ZNF618: variants seen among roughly 807,000 people sequenced by gnomAD.
The protein encoded by ZNF618 is zinc finger protein 618, also known as neural precursor cell expressed, developmentally down-regulated 10.
In ZNF618, 34 loss-of-function variants were observed where a neutral mutation model predicts 103.0. That is an observed-to-expected ratio of 0.33 (90% CI 0.25 to 0.44). The LOEUF is 0.44. Among genes scored for constraint, ZNF618 ranks in the 20% least tolerant of loss-of-function variants. The pLI, the probability that ZNF618 is intolerant of heterozygous loss-of-function variation, is 1.00. For synonymous variants in ZNF618, 551 were observed against 542.2 expected (o/e 1.02, Z -0.23); for missense variants, 1,059 against 1,295.4 (o/e 0.82, Z 2.80).
chr9:113,976,888 C>T (rs966571427), intron 2 of ZNF618, among the ~76,000 whole-genome samples: 1 of 152,144 alleles, frequency 6.6e-6, no homozygotes, highest in Non-Finnish European at 1.5e-5. Context: ...TACATCCATC[C>T]ATCCTTTAAT....
chr9:113,933,397 C>T (rs887920821), intron 1 of ZNF618, among the ~76,000 whole-genome samples: 35 of 152,260 alleles, frequency 2.3e-4, no homozygotes, highest in Admixed American at 1.3e-3. Flanking sequence ...TCAGTGACCT[C>T]GGGTCCAAGC....
chr9:114,005,977 C>G (rs1003968817), intron 6 of ZNF618, among the ~76,000 whole-genome samples: 1 of 152,214 alleles, frequency 6.6e-6, no homozygotes, highest in Non-Finnish European at 1.5e-5. Context: ...CAGAATGTCT[C>G]CAAGGAACCT....
intron 1 of ZNF618, among the ~76,000 whole-genome samples, chr9:113,939,444 C>T (rs1834349244): frequency 6.6e-6 from 1 of 151,950 alleles, no homozygotes; most frequent in Non-Finnish European, 1.5e-5. Context: ...TAAGATTTAC[C>T]CATACTTTTC....
rs192604930 is a variant in ZNF618, at chr9:114,014,817, A to G, written c.755-1878A>G. Among the ~76,000 whole-genome samples the G allele has an allele frequency of 3.9e-5, 6 of 152,290 alleles. No individual in the cohort carries two copies. In the East Asian group the frequency reaches 5.8e-4, roughly 15 times the overall value. ...TGAGTCCTAAGAATTTGGATTTCTA[A>G]CAGGTTCCCAGGTGATACTGATGTT... On this transcript the variant is annotated intron_variant, in intron 9 of 14. Transcript: ENST00000374126.
chr9:113,988,477 C>T lies in ZNF618; in HGVS notation c.234C>T (p.Gly78=), dbSNP rs781715274. 46 of 1,613,268 alleles carry T rather than the reference C, an allele frequency of 2.9e-5. No homozygotes were observed. Among genetic ancestry groups the T allele is most frequent in the Non-Finnish European group, 3.5e-5 (41 of 1,179,862 alleles). ...ACATCCAGGAGGTGATCTGGCAGGG[C>T]GAGGCCAAGGAGGAGAAGAAGGCGG... ...DDYIQEVIWQ[G]EAKEEKKAVS... The change falls in exon 3 of 15, where the codon GGC becomes GGT. Residue 78 remains glycine (G), a synonymous_variant. Transcript: ENST00000374126.
intron 12 of ZNF618, among the ~76,000 whole-genome samples, chr9:114,034,806 C>G (rs1844437831): frequency 6.6e-6 from 1 of 152,220 alleles, no homozygotes; most frequent in Admixed American, 6.5e-5. Context: ...TGTTTGGTAC[C>G]AAACATCCCC....
chr9:113,965,185 G>A (rs955098686), intron 1 of ZNF618, among the ~76,000 whole-genome samples: 2 of 151,810 alleles, frequency 1.3e-5, no homozygotes, highest in African/African-American at 2.4e-5. Context: ...TTATTTTATC[G>A]AAATCGTTGG....
chr9:113,897,124 T>C (rs1830099874), intron 1 of ZNF618, among the ~76,000 whole-genome samples: 1 of 152,194 alleles, frequency 6.6e-6, no homozygotes, highest in Admixed American at 6.5e-5. Context: ...TCTGTGTTTT[T>C]TAATATGGAA....
chr9:113,926,640 C>T (rs546295851), intron 1 of ZNF618, among the ~76,000 whole-genome samples: 39 of 152,194 alleles, frequency 2.6e-4, no homozygotes, highest in African/African-American at 8.9e-4. Flanking sequence ...TAGTTTCCAT[C>T]TCTCTGCTTA....
chr9:114,038,476 T>C (rs1006686862), intron 13 of ZNF618, among the ~76,000 whole-genome samples: 5 of 152,176 alleles, frequency 3.3e-5, no homozygotes, highest in Non-Finnish European at 7.3e-5. Context: ...GAATCGGGAT[T>C]AAAGGCTTGG....
At chr9:114,045,071 ATTGAG>A (rs976819697) in intron 13 of ZNF618, among the ~76,000 whole-genome samples, 18 of 151,600 alleles carry the variant, frequency 1.2e-4, no homozygotes, top group African/African-American at 4.1e-4. Context: ...TCCTTTTATG[ATTGAG>A]TTGTGAGAGT....
chr9:113,964,750 CTTTT>C (rs765191153), intron 1 of ZNF618, among the ~76,000 whole-genome samples: 4 of 98,488 alleles, frequency 4.1e-5, no homozygotes, highest in East Asian at 2.9e-4. Context: ...CTCCTTTCTG[CTTTT>C]TTTTTTTTTT....
chr9:113,999,873 C>G (rs1241662082), intron 4 of ZNF618, among the ~76,000 whole-genome samples: 1 of 152,174 alleles, frequency 6.6e-6, no homozygotes, highest in African/African-American at 2.4e-5. Context: ...AAATTCTTCA[C>G]TGGTTGAAGG....
intron 1 of ZNF618, among the ~76,000 whole-genome samples, chr9:113,912,756 G>T (rs949901972): frequency 1.1e-4 from 16 of 152,126 alleles, no homozygotes; most frequent in African/African-American, 3.9e-4. Flanking sequence ...CAGAGGCCCT[G>T]TCTGGTGCTG....
Position 113,998,335 on chromosome 9 carries a change from A to G in ZNF618, c.414A>G (p.Gln138=). The G allele has an allele frequency of 1.3e-6, 2 of 1,550,534 alleles. No homozygotes were observed. Among genetic ancestry groups the G allele is most frequent in the East Asian group, 2.4e-5 (1 of 40,914 alleles). The change falls in exon 4 of 15, where the codon CAA becomes CAG. Residue 138 remains glutamine (Q), a synonymous_variant. Transcript: ENST00000374126. ...SRYSGTWIFD[Q]ALRYASGSYE... is the part of the protein sequence containing the mutation. The stretch of plus-strand genomic sequence containing the variant: ...ATTCAGGGACCTGGATTTTTGACCA[A>G]GCATTGAGATATGCATCTGGTACGT...
At chr9:114,041,545 A>C (rs1423926725) in intron 13 of ZNF618, among the ~76,000 whole-genome samples, 2 of 152,218 alleles carry the variant, frequency 1.3e-5, no homozygotes, top group South Asian at 4.1e-4. Flanking sequence ...CTTTCTACAT[A>C]TGGCTAGCCA....
At chr9:114,047,849 C>T in intron 13 of ZNF618, 44 bp from the exon 14 acceptor site, 1 of 1,534,072 alleles carries the variant, frequency 6.5e-7, no homozygotes, top group Non-Finnish European at 8.9e-7. Flanking sequence ...CTCAACAGGC[C>T]TCTTACCCTT....
chr9:113,877,983 G>T (rs1177823384), intron 1 of ZNF618, among the ~76,000 whole-genome samples: 2 of 152,022 alleles, frequency 1.3e-5, no homozygotes, highest in African/African-American at 4.8e-5. Context: ...CCTTGGTAAG[G>T]AAGAAAATTT....
intron 1 of ZNF618, among the ~76,000 whole-genome samples, chr9:113,945,930 T>C (rs1834987030): frequency 6.6e-6 from 1 of 152,266 alleles, no homozygotes; most frequent in Admixed American, 6.5e-5. Context: ...CTCACGCTTA[T>C]GCTCTTGATC....
Sources: allele counts gnomAD v4.1 joint callset (sites outside exome capture counted in the v4.1 genomes callset), GRCh38; gene constraint gnomAD v4.1.1; transcripts MANE v1.5; gene names NCBI Gene and HGNC (gene_info 2026-07-23, HGNC 2026-07-21).